Variants in OSBPL6 observed in about 807,000 individuals in gnomAD.
OSBPL6 encodes the protein oxysterol-binding protein-related protein 6.
A neutral mutation model predicts 125.8 loss-of-function variants in OSBPL6; 49 were observed. The observed-to-expected ratio is 0.39, with a 90% CI of 0.31 to 0.49. The LOEUF is 0.49. Among genes scored for constraint, OSBPL6 ranks in the 20% least tolerant of loss-of-function variants. The pLI is 0.88. For missense variants in OSBPL6, 986 were observed against 1,135.4 expected (o/e 0.87, Z 1.89); for synonymous variants, 394 against 391.8 (o/e 1.01, Z -0.07).
chr2:178,324,651 A>G (rs183199540), intron 4 of OSBPL6, among the ~76,000 whole-genome samples: 56 of 152,356 alleles, frequency 3.7e-4, no homozygotes, highest in Non-Finnish European at 6.9e-4. Context: ...GTACTGCATC[A>G]CCGGACACTA....
At chr2:178,217,045 G>A (rs2090121435) in intron 1 of OSBPL6, among the ~76,000 whole-genome samples, 1 of 152,188 alleles carries the variant, frequency 6.6e-6, no homozygotes, top group Admixed American at 6.6e-5. Flanking sequence ...TATTCTATTA[G>A]CATTCAGTCA....
At chr2:178,219,559 G>A (rs1248557769) in intron 1 of OSBPL6, among the ~76,000 whole-genome samples, 1 of 152,180 alleles carries the variant, frequency 6.6e-6, no homozygotes, top group African/African-American at 2.4e-5. Context: ...TTAGGCTAGG[G>A]TGTTGGGGAG....
At chr2:178,249,907 AG>A (rs993924165) in intron 1 of OSBPL6, among the ~76,000 whole-genome samples, 1 of 148,686 alleles carries the variant, frequency 6.7e-6, no homozygotes, top group Non-Finnish European at 1.5e-5. Context: ...TTCCAGTAGG[AG>A]AGAGTTCTGA....
chr2:178,352,597 G>A (rs1691377628), intron 12 of OSBPL6, among the ~76,000 whole-genome samples: 1 of 152,206 alleles, frequency 6.6e-6, no homozygotes, highest in South Asian at 2.1e-4. Flanking sequence ...GCTCGAACTG[G>A]GCAGAGCCCA....
chr2:178,312,349 G>A (rs1687364427), intron 3 of OSBPL6, among the ~76,000 whole-genome samples: 1 of 151,600 alleles, frequency 6.6e-6, no homozygotes, highest in Admixed American at 6.6e-5. Context: ...AGTAGAGATG[G>A]GGTTTCACCA....
chr2:178,343,797 CT>C (rs1559270790), intron 11 of OSBPL6, among the ~76,000 whole-genome samples: 1 of 151,914 alleles, frequency 6.6e-6, no homozygotes, highest in African/African-American at 2.4e-5. Context: ...CCTTCCCTTA[CT>C]TTTTTTCTTC....
At chr2:178,384,284 G>C in intron 18 of OSBPL6, 108 bp downstream of exon 18, 1 of 1,399,556 alleles carries the variant, frequency 7.1e-7, no homozygotes, top group Non-Finnish European at 9.8e-7. Flanking sequence ...GATACCAGTT[G>C]TGAATTCGAA....
At chr2:178,337,088 A>C (rs1183166702) in intron 9 of OSBPL6, among the ~76,000 whole-genome samples, 1 of 152,182 alleles carries the variant, frequency 6.6e-6, no homozygotes, top group Non-Finnish European at 1.5e-5. Flanking sequence ...TAGCCAGAGC[A>C]CAATGGTTCA....
intron 1 of OSBPL6, among the ~76,000 whole-genome samples, chr2:178,225,482 G>A (rs1024645324): frequency 1.3e-5 from 2 of 152,180 alleles, no homozygotes; most frequent in Admixed American, 1.3e-4. Flanking sequence ...AGACCCTTGA[G>A]TTTGTTCAGA....
intron 15 of OSBPL6, among the ~76,000 whole-genome samples, chr2:178,380,039 A>ACATAG (rs1234116130): frequency 6.6e-6 from 1 of 152,222 alleles, no homozygotes; most frequent in Non-Finnish European, 1.5e-5. Flanking sequence ...TGACAAAAGA[A>ACATAG]TTGGCATAAA....
intron 2 of OSBPL6, among the ~76,000 whole-genome samples, chr2:178,296,055 C>T (rs530803406): frequency 3.9e-5 from 6 of 152,096 alleles, no homozygotes; most frequent in Admixed American, 3.3e-4. Context: ...GTTACTATTC[C>T]CTAGTTTTGT....
intron 1 of OSBPL6, among the ~76,000 whole-genome samples, chr2:178,252,539 A>G (rs1304196483): frequency 6.6e-6 from 1 of 152,166 alleles, no homozygotes; most frequent in Admixed American, 6.5e-5. Flanking sequence ...AACAAAAAAA[A>G]TAGGAGACTT....
At chr2:178,249,581 A>G (rs2091614153) in intron 1 of OSBPL6, among the ~76,000 whole-genome samples, 1 of 152,206 alleles carries the variant, frequency 6.6e-6, no homozygotes. Flanking sequence ...AAATGTACAG[A>G]AACCTTTTTC....
At chr2:178,267,353 CAA>C (rs57444695) in intron 1 of OSBPL6, among the ~76,000 whole-genome samples, 5,337 of 81,882 alleles carry the variant, frequency 0.065, 194 homozygotes, top group African/African-American at 0.16. Flanking sequence ...AACTCCATCT[CAA>C]AAAAAAAAAA....
intron 19 of OSBPL6, among the ~76,000 whole-genome samples, 184 bp from the exon 20 acceptor site, chr2:178,386,877 T>A (rs1694987532): frequency 6.6e-6 from 1 of 152,156 alleles, no homozygotes; most frequent in South Asian, 2.1e-4. Context: ...TTTGTTTATT[T>A]TTTGGTTCAC....
At chr2:178,269,145 A>G (rs1047801258) in intron 1 of OSBPL6, among the ~76,000 whole-genome samples, 2 of 152,270 alleles carry the variant, frequency 1.3e-5, no homozygotes, top group African/African-American at 4.8e-5. Flanking sequence ...ATTATAAAGG[A>G]TACAGTTGAG....
At chr2:178,208,316 A>C (rs914334467) in intron 1 of OSBPL6, among the ~76,000 whole-genome samples, 1 of 151,848 alleles carries the variant, frequency 6.6e-6, no homozygotes, top group East Asian at 1.9e-4. Context: ...GAAAGAAAGA[A>C]ACAAAGTGCC....
chr2:178,306,206 A>C lies in OSBPL6; in HGVS notation c.22A>C (p.Ile8Leu). 2 of 1,613,550 alleles carry C rather than the reference A, an allele frequency of 1.2e-6. No homozygotes were observed. Among genetic ancestry groups the C allele is most frequent in the East Asian group, 2.2e-5 (1 of 44,864 alleles). ...AGCGATGAGTTCAGATGAGAAGGGC[A>C]TTTCCCCTGCTCATAAAACATCCAC... is the stretch of plus-strand genomic sequence containing the variant. MSSDEKG[I>L]SPAHKTSTPT... The change falls in exon 3 of 25, where the codon ATT becomes CTT. Residue 8 changes from isoleucine to leucine, a missense_variant. Around this residue, in one of 3 missense-constraint regions of OSBPL6, gnomAD observed 130 missense variants for 106.4 expected, o/e 1.22. Coordinates refer to ENST00000190611, the MANE Select transcript of OSBPL6 (RefSeq NM_032523.4).
intron 1 of OSBPL6, among the ~76,000 whole-genome samples, chr2:178,195,010 GGGCCGGCGCCCC>G: frequency 6.6e-6 from 1 of 152,254 alleles, no homozygotes; most frequent in East Asian, 1.9e-4. Flanking sequence ...TCCCTCGCGC[GGGCCGGCGCCCC>G]TGCTCCCCGC....
Sources: allele counts gnomAD v4.1 joint callset (sites outside exome capture counted in the v4.1 genomes callset), GRCh38; gene constraint gnomAD v4.1.1; regional missense constraint gnomAD v4.1.1; transcripts MANE v1.5; gene names NCBI Gene and HGNC (gene_info 2026-07-23, HGNC 2026-07-21).